ZP1: variants seen among roughly 807,000 people sequenced by gnomAD.
The protein encoded by ZP1 is zona pellucida glycoprotein 1.
ZP1 carries 58 observed loss-of-function variants against 67.4 expected under a neutral mutation model. That is an observed-to-expected ratio of 0.86 (90% CI 0.70 to 1.07). The LOEUF (loss-of-function observed/expected upper bound fraction) is 1.07. ZP1 is among the 50% of genes least tolerant of loss of function. The pLI, the probability that ZP1 is intolerant of heterozygous loss-of-function variation, is 0.00. For missense variants in ZP1, 759 were observed against 807.3 expected (o/e 0.94, Z 0.72); for synonymous variants, 333 against 332.7 (o/e 1.00, Z -0.01).
rs1855537608 is a variant in ZP1, at chr11:60,870,042, T to C, written c.682+142T>C. ...TAGAAAAAGATGATTCTTTTATTCC[T>C]TTGTAGTATTTGGAAAACAGCTTTA... On this transcript the variant is annotated intron_variant, in intron 3 of 11. Coordinates refer to ENST00000278853, the MANE Select transcript of ZP1 (RefSeq NM_207341.4). 3 of 1,086,188 alleles carry C rather than the reference T, an allele frequency of 2.8e-6. No homozygotes were observed. In the African/African-American group the frequency reaches 4.8e-5, roughly 17 times the overall value. 67.3% of individuals were successfully genotyped at this position (1,086,188 alleles called of 1,614,324 possible). A position where few individuals can be genotyped will look rare whatever the true frequency, so the allele number is the denominator to read the frequency against.
intron 6 of ZP1, among the ~76,000 whole-genome samples, chr11:60,871,719 A>G (rs1855574899): frequency 6.6e-6 from 1 of 152,202 alleles, no homozygotes; most frequent in African/African-American, 2.4e-5. Flanking sequence ...CAGGTTAAGA[A>G]GCCACAGATG....
Position 60,873,186 on chromosome 11 carries a change from C to G in ZP1, c.1137C>G (p.Asn379Lys), listed in dbSNP as rs780482209. 1.2e-6 allele frequency: 2 copies of G among 1,602,768 alleles called. No individual in the cohort carries two copies. Among genetic ancestry groups the G allele is most frequent in the Admixed American group, 3.4e-5 (2 of 58,920 alleles). The stretch of plus-strand genomic sequence containing the variant: ...GGCTTCATGTGCGCTGTGTCTTCAA[C>G]GCCAGTGACTTCCTGCCCATTCAGG... The part of the protein sequence containing the change: ...TFQLHVRCVF[N>K]ASDFLPIQAS... The change falls in exon 7 of 12, where the codon AAC becomes AAG. Residue 379 changes from asparagine to lysine, a missense_variant. Coordinates refer to ENST00000278853, the MANE Select transcript of ZP1 (RefSeq NM_207341.4).
intron 9 of ZP1, 77 bp downstream of exon 9, chr11:60,873,852 C>G: frequency 6.3e-7 from 1 of 1,579,462 alleles, no homozygotes; most frequent in East Asian, 2.2e-5. Flanking sequence ...CCTCTGGCAC[C>G]CTGTGAACTT....
chr11:60,868,003 G>T (rs1014079291), intron 1 of ZP1, among the ~76,000 whole-genome samples: 3 of 151,916 alleles, frequency 2.0e-5, no homozygotes, highest in African/African-American at 4.8e-5. Flanking sequence ...CTGATTCAGT[G>T]GACCTGGGGC....
At position 60,867,557 on chromosome 11, in the gene ZP1, G is replaced by A. The variant is rs754480907; in HGVS notation, c.-5G>A. 2.1e-5 allele frequency: 34 copies of A among 1,605,152 alleles called. No individual in the cohort carries two copies. The highest frequency in any genetic ancestry group is 6.7e-5 in the East Asian group (3 of 44,602). On this transcript the variant is annotated 5_prime_UTR_variant, in exon 1 of 12. Transcript: ENST00000278853. ...AGGGAGTAGGGGGTGTGTCTGTGGCGTCTCATGGCAGGAGGCTCAGCCACG... is the reference window on the plus strand; with the variant it reads ...AGGGAGTAGGGGGTGTGTCTGTGGCATCTCATGGCAGGAGGCTCAGCCACG...
At position 60,870,576 on chromosome 11, in the gene ZP1, T is replaced by TG. The variant is rs952452254; in HGVS notation, c.826+103dup. 5 of 1,466,704 alleles carry TG rather than the reference T, an allele frequency of 3.4e-6. No homozygotes were observed. In the African/African-American group the frequency reaches 7.1e-5, roughly 21 times the overall value. 90.9% of individuals were successfully genotyped at this position (1,466,704 alleles called of 1,614,324 possible). ...TGGAAACTGCTTCCTATCCTCCTCC[T>TG]GGAGAGCCCAACTCCCAGAGCAGAT... On this transcript the variant is annotated intron_variant, in intron 4 of 11. Transcript: ENST00000278853.
rs149325402 is a variant in ZP1 at position 60,869,762 on chromosome 11, C to G, written c.544C>G (p.Pro182Ala). Reference protein sequence around the residue: ...SQGSGHAFPSPLDPGHSSVHP... With the variant: ...SQGSGHAFPSALDPGHSSVHP... ...AGGCTCTGGCCATGCCTTTCCCAGC[C>G]CACTGGACCCAGGGCACAGCTCTGT... The change falls in exon 3 of 12, where the codon CCA becomes GCA. Residue 182 changes from proline to alanine, a missense_variant. Coordinates refer to ENST00000278853, the MANE Select transcript of ZP1 (RefSeq NM_207341.4). The G allele has an allele frequency of 5.2e-4, 839 of 1,614,116 alleles. 1 individual carries two copies. The African/African-American group carries it at 6.9e-3, about 13-fold the overall frequency.
At chr11:60,870,916 T>C in intron 4 of ZP1, 41 bp from the exon 5 acceptor site, 1 of 1,583,304 alleles carries the variant, frequency 6.3e-7, no homozygotes, top group Non-Finnish European at 8.6e-7. Flanking sequence ...CTGTGCTGGA[T>C]GGACACCAAA....
intron 9 of ZP1, 40 bp from the exon 10 acceptor site, chr11:60,874,893 C>T: frequency 6.2e-7 from 1 of 1,603,008 alleles, no homozygotes; most frequent in Non-Finnish European, 8.5e-7. Flanking sequence ...TGCCCGGTGG[C>T]ACTGAGCCAG....
Position 60,870,360 on chromosome 11 carries a change from G to A in ZP1, c.711G>A (p.Gln237=), listed in dbSNP as rs866410106. 6.2e-7 allele frequency: 1 copy of A among 1,611,452 alleles called. No homozygotes were observed. Among genetic ancestry groups the A allele is most frequent in the Non-Finnish European group, 8.5e-7 (1 of 1,178,974 alleles). ...CCCACCTGAGCCAGGAGCAGTGCCA[G>A]GTGGCCTCAGGGCACCTCCCCTGCA... ...IGTHLSQEQC[Q]VASGHLPCIV... is the part of the protein sequence containing the mutation. The change falls in exon 4 of 12, where the codon CAG becomes CAA. Residue 237 remains glutamine (Q), a synonymous_variant. Transcript: ENST00000278853.
intron 8 of ZP1, 29 bp downstream of exon 8, chr11:60,873,593 C>T (rs752513928): frequency 3.1e-6 from 5 of 1,614,076 alleles, no homozygotes; most frequent in Middle Eastern, 3.3e-4. Context: ...CCCCCACCTG[C>T]TCTGCCTCCT....
intron 1 of ZP1, among the ~76,000 whole-genome samples, chr11:60,868,697 G>T (rs1855511083): frequency 6.6e-6 from 1 of 152,216 alleles, no homozygotes; most frequent in African/African-American, 2.4e-5. Flanking sequence ...AATGGGTTCA[G>T]ATCTTTCTAC....
At chr11:60,872,081 C>A (rs1030261268) in intron 6 of ZP1, among the ~76,000 whole-genome samples, 7 of 152,164 alleles carry the variant, frequency 4.6e-5, no homozygotes, top group Admixed American at 4.6e-4. Flanking sequence ...GGCTTTAAAG[C>A]TCTAAGTAGC....
rs1295379646 is a variant in ZP1 at position 60,875,608 on chromosome 11, C to T, written c.1869C>T (p.Gly623=). The T allele has an allele frequency of 6.2e-7, 1 of 1,614,170 alleles. No homozygotes were observed. The highest frequency in any genetic ancestry group is 1.7e-5 in the Admixed American group (1 of 60,024). ...TCCTTGGGTTTGGTGTCTTTGTGGG[C>T]CTGAGCCAGACCTGGGCCCAGAAGC... The part of the protein sequence containing the change: ...ALVLGFGVFV[G]LSQTWAQKLW... Residue 623 remains glycine, a synonymous_variant, in exon 12 of 12, where the codon GGC becomes GGT. Coordinates refer to ENST00000278853, the MANE Select transcript of ZP1 (RefSeq NM_207341.4).
chr11:60,869,319 C>A, intron 2 of ZP1, 53 bp downstream of exon 2: 1 of 1,605,448 alleles, frequency 6.2e-7, no homozygotes, highest in South Asian at 1.1e-5. Flanking sequence ...AGTGTCATGT[C>A]AGGCTGAAGA....
At chr11:60,868,038 T>C (rs1855502314) in intron 1 of ZP1, among the ~76,000 whole-genome samples, 1 of 53,154 alleles carries the variant, frequency 1.9e-5, no homozygotes, top group Non-Finnish European at 3.7e-5. Context: ...GCATTTCTTT[T>C]CTTTTTTTTT....
In ZP1 at chr11:60,875,243, C is replaced by T; in HGVS notation, c.1769C>T (p.Pro590Leu). Residue 590 changes from proline to leucine, a missense_variant, in exon 11 of 12, where the codon CCC (proline) becomes CTC (leucine). Transcript: ENST00000278853. ...TATGGGCAGGAGCCCACACTTGGGC[C>T]CACAGGTAGGAGGGCTTCTGGGTGG... ...DSYGQEPTLG[P>L]TDSNGNSSLR... The T allele has an allele frequency of 6.2e-7, 1 of 1,611,614 alleles. No homozygotes were observed. The highest frequency in any genetic ancestry group is 1.7e-4 in the Middle Eastern group (1 of 6,060).
Position 60,873,362 on chromosome 11 carries a change from A to AT in ZP1, c.1241-13_1241-12insT. ...CACAGCCCGCCCTGGCTCATGAGTCACTCTCCCTGCAGACGAGACCTTCAG... is the reference window on the plus strand; with the variant it reads ...CACAGCCCGCCCTGGCTCATGAGTCATCTCTCCCTGCAGACGAGACCTTCAG... On this transcript the variant is annotated splice_polypyrimidine_tract_variant and intron_variant, in intron 7 of 11. Transcript: ENST00000278853. The AT allele has an allele frequency of 6.3e-7, 1 of 1,595,576 alleles. No individual in the cohort carries two copies.
rs571044625 is a variant in ZP1 at position 60,869,905 on chromosome 11, G to A, written c.682+5G>A. 55 of 1,541,140 alleles carry A rather than the reference G, an allele frequency of 3.6e-5. 1 individual carries two copies. Among genetic ancestry groups the A allele is most frequent in the South Asian group, 2.4e-4 (19 of 78,868 alleles). Reference sequence around the variant, plus strand: ...TGAACAAACGAGATTACATAGGTACGCAGGACATCTGAGTGTACTTACCCT... The same window carrying A: ...TGAACAAACGAGATTACATAGGTACACAGGACATCTGAGTGTACTTACCCT... On this transcript the variant is annotated splice_donor_5th_base_variant and intron_variant, in intron 3 of 11. Transcript: ENST00000278853.
Sources: gnomAD v4.1 joint callset for allele counts (sites outside exome capture counted in the v4.1 genomes callset) on GRCh38, gnomAD v4.1.1 for gene constraint, MANE v1.5 for transcripts, NCBI Gene and HGNC (gene_info 2026-07-23, HGNC 2026-07-21) for gene names.